The following TP53BP1 variants were observed in gnomAD, a reference collection of about 807,000 sequenced individuals.
The protein encoded by TP53BP1 is TP53-binding protein 1.
TP53BP1 carries 61 observed loss-of-function variants against 200.8 expected under a neutral mutation model. The observed-to-expected ratio is 0.30, with a 90% CI of 0.25 to 0.38. TP53BP1 has a LOEUF of 0.38. TP53BP1 is among the 10% of genes least tolerant of loss of function. The pLI, the probability that TP53BP1 is intolerant of heterozygous loss-of-function variation, is 1.00. For missense variants in TP53BP1, 2,144 were observed against 2,371.9 expected (o/e 0.90, Z 2.00); for synonymous variants, 822 against 844.3 (o/e 0.97, Z 0.46).
intron 12 of TP53BP1, among the ~76,000 whole-genome samples, chr15:43,450,553 G>T (rs1023347328): frequency 2.0e-5 from 3 of 152,124 alleles, no homozygotes; most frequent in Non-Finnish European, 4.4e-5. Context: ...TGGATTTAAA[G>T]ACTTACTGAA....
intron 1 of TP53BP1, among the ~76,000 whole-genome samples, chr15:43,501,297 G>C (rs2079208247): frequency 6.6e-6 from 1 of 151,662 alleles, no homozygotes. Flanking sequence ...GAACTCCTGG[G>C]CTCAGCTCCT....
chr15:43,446,336 TC>T (rs1281791899), intron 14 of TP53BP1, 50 bp downstream of exon 14: 2 of 1,355,716 alleles, frequency 1.5e-6, no homozygotes, highest in Non-Finnish European at 2.1e-6. Context: ...TAATCAATAC[TC>T]CCCAGATAAT....
At chr15:43,493,233 T>C, upstream of TP53BP1, 1 of 1,459,836 alleles carries the variant, frequency 6.9e-7, no homozygotes, top group South Asian at 1.4e-5. Flanking sequence ...ATCCCGTGGA[T>C]GATAGGTAGC....
In TP53BP1 at chr15:43,437,853, G is replaced by C. The variant is rs550136190; in HGVS notation, c.3191+471C>G. Among the ~76,000 whole-genome samples, 65 of 152,282 alleles carry C rather than the reference G, an allele frequency of 4.3e-4. 1 individual carries two copies. The South Asian group carries it at 0.013, about 31-fold the overall frequency. On this transcript the variant is annotated intron_variant, in intron 16 of 27. Transcript: ENST00000382044. ...TGCTGCTATAACAGAATTCCCACCA[G>C]ACTGGGAAATTGATAAAGAAAAAGA... is the stretch of plus-strand genomic sequence containing the variant.
chr15:43,465,874 C>CA (rs1227618183), intron 11 of TP53BP1, among the ~76,000 whole-genome samples: 3 of 152,068 alleles, frequency 2.0e-5, no homozygotes, highest in Admixed American at 6.6e-5. Flanking sequence ...AGGCTGGTCT[C>CA]AAACTCCTGG....
intron 15 of TP53BP1, 99 bp downstream of exon 15, chr15:43,441,427 A>G (rs1432422252): frequency 2.5e-6 from 2 of 807,542 alleles, no homozygotes; most frequent in Non-Finnish European, 2.2e-6. Context: ...GTCTCATTTT[A>G]ACTTTCTCAT....
At chr15:43,421,254 C>A in intron 19 of TP53BP1, 80 bp from the exon 20 acceptor site, 2 of 1,479,830 alleles carry the variant, frequency 1.4e-6, no homozygotes, top group South Asian at 1.2e-5. Flanking sequence ...GGCCCTCAGA[C>A]TACATGACAG....
chr15:43,495,274 C>A (rs1016912242), upstream of TP53BP1, among the ~76,000 whole-genome samples: 1 of 151,802 alleles, frequency 6.6e-6, no homozygotes, highest in South Asian at 2.1e-4. Context: ...ACGAGGCGGG[C>A]GGATCATGAG....
intron 12 of TP53BP1, among the ~76,000 whole-genome samples, chr15:43,452,787 T>C (rs1566942680): frequency 1.3e-5 from 2 of 152,172 alleles, no homozygotes; most frequent in South Asian, 4.1e-4. Flanking sequence ...TAAGTTTTAC[T>C]ACGGCAAAAA....
intron 18 of TP53BP1, among the ~76,000 whole-genome samples, chr15:43,422,975 T>C (rs533220975): frequency 6.6e-5 from 10 of 151,298 alleles, no homozygotes; most frequent in Non-Finnish European, 1.3e-4. Flanking sequence ...GCCTAGGTAA[T>C]AGCATGAGAC....
At chr15:43,464,175 A>G (rs2046506320) in intron 11 of TP53BP1, among the ~76,000 whole-genome samples, 1 of 152,210 alleles carries the variant, frequency 6.6e-6, no homozygotes, top group Admixed American at 6.5e-5. Context: ...ATAATCAAAG[A>G]TTACCAGACA....
chr15:43,456,782 C>T lies in TP53BP1; in HGVS notation c.1826G>A (p.Cys609Tyr). 6.2e-7 allele frequency: 1 copy of T among 1,614,052 alleles called. No individual in the cohort carries two copies. Among genetic ancestry groups the T allele is most frequent in the Non-Finnish European group, 8.5e-7 (1 of 1,180,042 alleles). ...TGCTACCGTTTCTTCTCTGCCCTTG[C>T]AACCAGTGGCTAAAATACTAATGTC... ...RDDISILATGCKGREETVAED... is the reference protein window; with the variant it reads ...RDDISILATGYKGREETVAED... The change falls in exon 12 of 28, where the codon TGC becomes TAC. Residue 609 changes from cysteine to tyrosine, a missense_variant. This residue lies in a region of TP53BP1 where 1,700 missense variants were observed against 1,710.3 expected (regional missense o/e 0.99). Transcript: ENST00000382044.
chr15:43,491,790 T>A (rs745938538), intron 3 of TP53BP1, 37 bp from the exon 4 acceptor site: 1 of 1,538,408 alleles, frequency 6.5e-7, no homozygotes, highest in Admixed American at 1.7e-5. Context: ...TGAAAGACAT[T>A]TACCAACAAA....
At position 43,470,256 on chromosome 15, in the gene TP53BP1, C is replaced by T. The variant is rs980802613; in HGVS notation, c.1181-190G>A. On this transcript the variant is annotated intron_variant, in intron 10 of 27. Coordinates refer to ENST00000382044, the MANE Select transcript of TP53BP1 (RefSeq NM_001141980.3). ...ATCTACCAATACTTCCTTTGGTTGG[C>T]GGAGCAGTCCAAGCTCCTATTTTTA... is the stretch of plus-strand genomic sequence containing the variant. 4.6e-5 allele frequency among the ~76,000 whole-genome samples: 7 copies of T among 152,296 alleles called. No homozygotes were observed. In the South Asian group the frequency reaches 8.3e-4, roughly 18 times the overall value.
At chr15:43,509,843 C>T (rs1249651469) in intron 1 of TP53BP1, among the ~76,000 whole-genome samples, 3 of 151,906 alleles carry the variant, frequency 2.0e-5, no homozygotes, top group Non-Finnish European at 4.4e-5. Context: ...AAAAAAAACC[C>T]AAAAACCCAA....
rs190817983 is a variant in TP53BP1 at position 43,457,603 on chromosome 15, C to T, written c.1390-385G>A. On this transcript the variant is annotated intron_variant, in intron 11 of 27. Coordinates refer to ENST00000382044, the MANE Select transcript of TP53BP1 (RefSeq NM_001141980.3). ...AGGAGAATCACTTGAACCTTGGAGG[C>T]GGAGGTTGCAGTAAGCCGAGATTGC... 4.2e-3 allele frequency among the ~76,000 whole-genome samples: 503 copies of T among 119,806 alleles called. 4 individuals are homozygous for T. Among genetic ancestry groups the T allele is most frequent in the African/African-American group, 0.016 (483 of 30,910 alleles). 78.6% of individuals were successfully genotyped at this position (119,806 alleles called of 152,430 possible).
At chr15:43,431,170 C>G (rs1400892666) in intron 17 of TP53BP1, among the ~76,000 whole-genome samples, 1 of 152,142 alleles carries the variant, frequency 6.6e-6, no homozygotes, top group East Asian at 1.9e-4. Context: ...TCACATTACT[C>G]AGAACAGCAC....
chr15:43,438,464 G>C (rs1206071717), intron 15 of TP53BP1, 48 bp from the exon 16 acceptor site: 6 of 1,497,900 alleles, frequency 4.0e-6, no homozygotes, highest in Non-Finnish European at 5.5e-6. Context: ...GAAAAGAAAA[G>C]TACTTTTGGA....
intron 17 of TP53BP1, among the ~76,000 whole-genome samples, chr15:43,429,297 G>A (rs1159483939): frequency 3.3e-5 from 5 of 152,130 alleles, no homozygotes; most frequent in Non-Finnish European, 7.4e-5. Context: ...AAAAAAAAGT[G>A]CTAGAATTTC....
Sources: allele counts gnomAD v4.1 joint callset (sites outside exome capture counted in the v4.1 genomes callset), GRCh38; gene constraint gnomAD v4.1.1; regional missense constraint gnomAD v4.1.1; transcripts MANE v1.5; gene names NCBI Gene and HGNC (gene_info 2026-07-23, HGNC 2026-07-21).